The following ATP9B variants were observed in gnomAD, a reference collection of about 807,000 sequenced individuals.
ATP9B encodes the protein probable phospholipid-transporting ATPase IIB.
Under a neutral mutation model 146.1 loss-of-function variants are expected in ATP9B, and 110 were observed. The observed-to-expected ratio is 0.75, with a 90% CI of 0.65 to 0.88. The LOEUF is 0.88. Among genes scored for constraint, ATP9B ranks in the 40% least tolerant of loss-of-function variants. The pLI, the probability that ATP9B is intolerant of heterozygous loss-of-function variation, is 0.00. For synonymous variants in ATP9B, 604 were observed against 569.7 expected (o/e 1.06, Z -0.86); for missense variants, 1,499 against 1,496.4 (o/e 1.00, Z -0.03).
intron 9 of ATP9B, among the ~76,000 whole-genome samples, chr18:79,197,603 G>T (rs1054878316): frequency 5.3e-5 from 8 of 152,058 alleles, no homozygotes; most frequent in Non-Finnish European, 1.2e-4. Context: ...ATAAGTAAAG[G>T]TTGCATATAA....
chr18:79,109,081 A>G (rs2146961757), intron 2 of ATP9B, among the ~76,000 whole-genome samples: 1 of 152,316 alleles, frequency 6.6e-6, no homozygotes. Flanking sequence ...TTTTCATGCA[A>G]AACTTTTTGT....
intron 17 of ATP9B, among the ~76,000 whole-genome samples, chr18:79,335,529 A>C (rs2096819429): frequency 6.6e-6 from 1 of 152,190 alleles, no homozygotes; most frequent in Admixed American, 6.5e-5. Flanking sequence ...CATTGCAGGC[A>C]TTTCCATGTC....
intron 11 of ATP9B, among the ~76,000 whole-genome samples, chr18:79,238,063 TAAAA>T (rs76323455): frequency 3.9e-5 from 6 of 151,970 alleles, no homozygotes; most frequent in African/African-American, 1.4e-4. Context: ...TATTTAAAAA[TAAAA>T]AAAAAATTTT....
At chr18:79,118,726 T>G (rs2094137625) in intron 4 of ATP9B, among the ~76,000 whole-genome samples, 1 of 152,058 alleles carries the variant, frequency 6.6e-6, no homozygotes, top group African/African-American at 2.4e-5. Context: ...TTAATGTATT[T>G]ATTTCTAGCC....
intron 26 of ATP9B, chr18:79,363,385 G>GACTTAAACAGATGTTCATGGATTGAGAC (rs1568829954): frequency 6.6e-6 from 1 of 150,882 alleles, no homozygotes; most frequent in Non-Finnish European, 1.5e-5. Flanking sequence ...TGGATTGAGA[G>GACTTAAACAGATGTTCATGGATTGAGAC]ACGTAAACAG....
At chr18:79,289,167 G>C (rs2146075630) in intron 13 of ATP9B, among the ~76,000 whole-genome samples, 1 of 152,304 alleles carries the variant, frequency 6.6e-6, no homozygotes, top group East Asian at 1.9e-4. Context: ...GGCCTGCCTT[G>C]CTAGATTGGG....
intron 12 of ATP9B, among the ~76,000 whole-genome samples, chr18:79,264,236 C>T (rs1334535695): frequency 6.6e-6 from 1 of 152,218 alleles, no homozygotes; most frequent in Non-Finnish European, 1.5e-5. Flanking sequence ...TTCACATCCT[C>T]AGCAACACTT....
chr18:79,250,654 G>T (rs1341551565), intron 11 of ATP9B, among the ~76,000 whole-genome samples: 2 of 152,196 alleles, frequency 1.3e-5, no homozygotes, highest in Admixed American at 6.5e-5. Context: ...GAAATTGCAC[G>T]ATATTTGTCC....
chr18:79,110,622 T>C, intron 3 of ATP9B, 117 bp downstream of exon 3: 1 of 970,998 alleles, frequency 1.0e-6, no homozygotes, highest in Non-Finnish European at 1.4e-6. Context: ...CACATCCAAA[T>C]CAGTGTCCTT....
chr18:79,326,919 C>T (rs2096750680), intron 15 of ATP9B, among the ~76,000 whole-genome samples: 1 of 152,200 alleles, frequency 6.6e-6, no homozygotes, highest in Admixed American at 6.5e-5. Flanking sequence ...CCTCATTTCT[C>T]GAATCCTTGC....
intron 17 of ATP9B, among the ~76,000 whole-genome samples, chr18:79,331,496 C>G (rs1033302711): frequency 6.6e-6 from 1 of 152,128 alleles, no homozygotes; most frequent in Non-Finnish European, 1.5e-5. Flanking sequence ...ATTAAAAATT[C>G]TATGTACATT....
At chr18:79,107,048 T>C (rs2075698165) in intron 2 of ATP9B, among the ~76,000 whole-genome samples, 4 of 152,254 alleles carry the variant, frequency 2.6e-5, no homozygotes, top group African/African-American at 9.6e-5. Flanking sequence ...GACTTTTGTA[T>C]ACTAGAACAT....
intron 10 of ATP9B, among the ~76,000 whole-genome samples, chr18:79,207,968 G>A (rs918338406): frequency 6.6e-6 from 1 of 152,300 alleles, no homozygotes; most frequent in East Asian, 1.9e-4. Flanking sequence ...CTTATAGGCC[G>A]GGCGCGGGGG....
intron 11 of ATP9B, among the ~76,000 whole-genome samples, chr18:79,238,947 A>ATAGG (rs2095866342): frequency 6.6e-6 from 1 of 152,228 alleles, no homozygotes; most frequent in Non-Finnish European, 1.5e-5. Flanking sequence ...CAAAGGAGAA[A>ATAGG]TAGGTATATT....
In ATP9B at chr18:79,309,805, A is replaced by G. The variant is rs573113455; in HGVS notation, c.1773+2571A>G. Reference sequence around the variant, plus strand: ...GAAATTAATTCAATTGTACATTGTAAATGGGTGAATAGTGTCTCCATAAAG... The same window carrying G: ...GAAATTAATTCAATTGTACATTGTAGATGGGTGAATAGTGTCTCCATAAAG... On this transcript the variant is annotated intron_variant, in intron 15 of 29. Coordinates refer to ENST00000426216, the MANE Select transcript of ATP9B (RefSeq NM_198531.5). Among the ~76,000 whole-genome samples the G allele has an allele frequency of 3.3e-5, 5 of 152,304 alleles. No homozygotes were observed. In the East Asian group the frequency reaches 9.6e-4, roughly 29 times the overall value.
At chr18:79,236,471 AC>A (rs2095842321) in intron 11 of ATP9B, among the ~76,000 whole-genome samples, 1 of 147,406 alleles carries the variant, frequency 6.8e-6, no homozygotes. Context: ...TTGTTTATCA[AC>A]CTTTTTTTTT....
At chr18:79,148,628 G>A (rs559101057) in intron 6 of ATP9B, among the ~76,000 whole-genome samples, 45 of 152,288 alleles carry the variant, frequency 3.0e-4, no homozygotes, top group African/African-American at 9.9e-4. Flanking sequence ...AATACTTAAT[G>A]GTGTAAGACT....
rs546813532 is a variant in ATP9B at position 79,176,486 on chromosome 18, A to G, written c.779-327A>G. Among the ~76,000 whole-genome samples, 17 of 152,338 alleles carry G rather than the reference A, an allele frequency of 1.1e-4. 1 individual carries two copies. The South Asian group carries it at 3.5e-3, about 32-fold the overall frequency. On this transcript the variant is annotated intron_variant, in intron 7 of 29. Transcript: ENST00000426216. ...TATTTGTTATTTTGTTATTATCAAA[A>G]CATACATTGAAAGTAGAAATGATCA...
chr18:79,235,457 A>G (rs1342681002), intron 11 of ATP9B, among the ~76,000 whole-genome samples: 2 of 152,028 alleles, frequency 1.3e-5, no homozygotes, highest in Non-Finnish European at 2.9e-5. Flanking sequence ...TTTGTTTTTT[A>G]TATTATTGAC....
Sources: gnomAD v4.1 joint callset for allele counts (sites outside exome capture counted in the v4.1 genomes callset) on GRCh38, gnomAD v4.1.1 for gene constraint, MANE v1.5 for transcripts, NCBI Gene and HGNC (gene_info 2026-07-23, HGNC 2026-07-21) for gene names.